MCM9: variants seen among roughly 807,000 people sequenced by gnomAD.
MCM9 encodes DNA helicase MCM9.
MCM9 carries 55 observed loss-of-function variants against 72.8 expected under a neutral mutation model. The observed-to-expected ratio is 0.76, with a 90% CI of 0.61 to 0.95. The LOEUF is 0.95. Among genes scored for constraint, MCM9 ranks in the 40% least tolerant of loss-of-function variants. MCM9 has a pLI of 0.00. For synonymous variants in MCM9, 480 were observed against 503.4 expected (o/e 0.95, Z 0.62); for missense variants, 1,279 against 1,377.0 (o/e 0.93, Z 1.13).
intron 8 of MCM9, among the ~76,000 whole-genome samples, chr6:118,906,392 AG>A (rs1245296774): frequency 3.3e-5 from 5 of 152,170 alleles, no homozygotes; most frequent in African/African-American, 1.2e-4. Context: ...CTTGTAAGAC[AG>A]GCCTTTGTTT....
intron 9 of MCM9, 59 bp downstream of exon 9, chr6:118,856,312 T>C: frequency 6.8e-7 from 1 of 1,460,576 alleles, no homozygotes; most frequent in Non-Finnish European, 9.1e-7. Flanking sequence ...GTTCACATTT[T>C]CCCCTAAGCA....
chr6:118,929,870 T>C (rs1388012008), intron 3 of MCM9, among the ~76,000 whole-genome samples: 1 of 152,162 alleles, frequency 6.6e-6, no homozygotes, highest in African/African-American at 2.4e-5. Context: ...GATTATCTAG[T>C]ACCCTGATGC....
chr6:118,894,612 G>T, intron 8 of MCM9: 1 of 1,169,238 alleles, frequency 8.6e-7, no homozygotes, highest in Non-Finnish European at 1.2e-6. Flanking sequence ...GGGCGGCTGT[G>T]TTCGGCGCCT....
rs748551149 is a variant in MCM9 at position 118,931,754 on chromosome 6, AG to A, written c.-15-17del. ...ATCTAGGTAACTAAAGAAAAAAAAA[AG>A]GATCATATTATATATTTGATACTCA... On this transcript the variant is annotated splice_polypyrimidine_tract_variant and intron_variant, in intron 2 of 13. Coordinates refer to ENST00000619706, the MANE Select transcript of MCM9 (RefSeq NM_017696.3). 49 of 1,536,850 alleles carry A rather than the reference AG, an allele frequency of 3.2e-5. No homozygotes were observed. Among genetic ancestry groups the A allele is most frequent in the African/African-American group, 4.2e-5 (3 of 71,854 alleles).
At chr6:118,834,440 T>C (rs932261049) in intron 9 of MCM9, among the ~76,000 whole-genome samples, 2 of 152,192 alleles carry the variant, frequency 1.3e-5, no homozygotes, top group Admixed American at 1.3e-4. Flanking sequence ...CGCCACACTG[T>C]CTTCCACAAT....
In MCM9 at chr6:118,828,000, T is replaced by C. The variant is rs1774278248; in HGVS notation, c.1659A>G (p.Gln553=). The change falls in exon 11 of 14, where the codon CAA becomes CAG. Residue 553 remains glutamine (Q), a synonymous_variant. Coordinates refer to ENST00000619706, the MANE Select transcript of MCM9 (RefSeq NM_017696.3). ...CAGCGTTCCGGCAATCACTCTGCCT[T>C]TGCATCTGGTAGTACCGGAGAAGAA... ...NQVLLRYYQM[Q]RQSDCRNAAR... 1.3e-6 allele frequency: 2 copies of C among 1,550,796 alleles called. No homozygotes were observed. The highest frequency in any genetic ancestry group is 1.7e-6 in the Non-Finnish European group (2 of 1,147,072).
rs543431329 is a variant in MCM9, at chr6:118,915,718, G to C, written c.904+1843C>G. ...AACACTCTGAAATGGAGGAATACCA[G>C]TACACTGGTGCTGGTCCATAGGAAA... On this transcript the variant is annotated intron_variant, in intron 6 of 13. Transcript: ENST00000619706. Among the ~76,000 whole-genome samples the C allele has an allele frequency of 7.9e-5, 12 of 152,302 alleles. No individual in the cohort carries two copies. The South Asian group carries it at 2.5e-3, about 32-fold the overall frequency.
intron 8 of MCM9, among the ~76,000 whole-genome samples, chr6:118,900,048 G>A (rs771396907): frequency 1.3e-5 from 2 of 152,106 alleles, no homozygotes; most frequent in African/African-American, 2.4e-5. Context: ...TACATATAAC[G>A]CCTTGAATTG....
rs1026085669 is a variant in MCM9 at position 118,815,839 on chromosome 6, G to A, written c.2417C>T (p.Thr806Ile). 2.5e-5 allele frequency: 38 copies of A among 1,539,608 alleles called. No individual in the cohort carries two copies. The highest frequency in any genetic ancestry group is 3.2e-5 in the Non-Finnish European group (37 of 1,147,034). ...DIGLLPSPGE[T>I]GVPWRADNVE... ...ATTGTCTGCCCTCCATGGAACACCT[G>A]TCTCTCCTGGTGATGGAAGCAACCC... The change falls in exon 14 of 14, where the codon ACA (threonine) becomes ATA (isoleucine). Residue 806 changes from threonine (T) to isoleucine (I), a missense_variant. Coordinates refer to ENST00000619706, the MANE Select transcript of MCM9 (RefSeq NM_017696.3).
chr6:118,873,503 C>T, intron 8 of MCM9, among the ~76,000 whole-genome samples: 1 of 152,132 alleles, frequency 6.6e-6, no homozygotes, highest in East Asian at 1.9e-4. Context: ...TATAAACAAA[C>T]AACTCTGCCC....
At chr6:118,840,515 G>C (rs1451106377) in intron 9 of MCM9, among the ~76,000 whole-genome samples, 3 of 152,066 alleles carry the variant, frequency 2.0e-5, no homozygotes, top group South Asian at 2.1e-4. Context: ...CTCATCAAAG[G>C]AATCAGGCCA....
chr6:118,870,989 C>A (rs993012573), intron 8 of MCM9, among the ~76,000 whole-genome samples: 2 of 152,076 alleles, frequency 1.3e-5, no homozygotes, highest in Non-Finnish European at 2.9e-5. Context: ...AAGCCCAGGA[C>A]CAGAAGGCTT....
At position 118,815,034 on chromosome 6, in the gene MCM9, A is replaced by T. The variant is rs767780774; in HGVS notation, c.3222T>A (p.Pro1074=). The T allele has an allele frequency of 3.2e-6, 5 of 1,550,036 alleles. No individual in the cohort carries two copies. The African/African-American group carries it at 5.5e-5, about 17-fold the overall frequency. Residue 1074 remains proline, a synonymous_variant, in exon 14 of 14, where the codon CCT becomes CCA. Transcript: ENST00000619706. ...CACCTCGGTTCTTCCTTTCAGGAGG[A>T]GGGGATTTTGATTTGGATTCCGATG... The part of the protein sequence containing the change: ...TPPSESKSKS[P]PPERKNRGER...
At chr6:118,848,913 C>CTGTGCACATT in intron 9 of MCM9, among the ~76,000 whole-genome samples, 3 of 151,422 alleles carry the variant, frequency 2.0e-5, no homozygotes, top group African/African-American at 7.3e-5. Context: ...CAGAGCAAGA[C>CTGTGCACATT]TTTGTTTCCA....
intron 8 of MCM9, among the ~76,000 whole-genome samples, chr6:118,872,924 T>G (rs917843428): frequency 6.6e-6 from 1 of 151,864 alleles, no homozygotes; most frequent in African/African-American, 2.4e-5. Context: ...ATCTCAGCAT[T>G]TTGCAGAGCT....
intron 8 of MCM9, among the ~76,000 whole-genome samples, chr6:118,887,333 T>C (rs1778664850): frequency 6.6e-6 from 1 of 152,150 alleles, no homozygotes; most frequent in South Asian, 2.1e-4. Flanking sequence ...GACCCATACA[T>C]TTAAGGTCAA....
In MCM9 at chr6:118,828,239, T is replaced by C. The variant is rs982395253; in HGVS notation, c.1529-109A>G. ...CATTTGTTAAAAGATAACCTTCATG[T>C]TTTGTGGTTATTGAAATCTAGACTT... On this transcript the variant is annotated intron_variant, in intron 10 of 13. Coordinates refer to ENST00000619706, the MANE Select transcript of MCM9 (RefSeq NM_017696.3). 2.0e-5 allele frequency: 18 copies of C among 885,788 alleles called. No homozygotes were observed. In the African/African-American group the frequency reaches 2.9e-4, roughly 14 times the overall value. The allele number at this position is 885,788 out of a possible 1,614,324, so 54.9% of individuals were successfully genotyped here. A position where few individuals can be genotyped will look rare whatever the true frequency, so the allele number is the denominator to read the frequency against.
intron 8 of MCM9, chr6:118,894,052 C>T (rs1436868150): frequency 9.5e-7 from 1 of 1,054,186 alleles, no homozygotes; most frequent in South Asian, 3.1e-5. Context: ...TGTCCTAATC[C>T]ACACCAGCAG....
At chr6:118,885,534 T>C (rs1778545936) in intron 8 of MCM9, among the ~76,000 whole-genome samples, 1 of 152,140 alleles carries the variant, frequency 6.6e-6, no homozygotes, top group Non-Finnish European at 1.5e-5. Context: ...GGGAACAGTG[T>C]AAACAATTTT....
Sources: allele counts gnomAD v4.1 joint callset (sites outside exome capture counted in the v4.1 genomes callset), GRCh38; gene constraint gnomAD v4.1.1; transcripts MANE v1.5; gene names NCBI Gene and HGNC (gene_info 2026-07-23, HGNC 2026-07-21).